The following CACNB2 variants were observed in gnomAD, a reference collection of about 807,000 sequenced individuals.
The protein encoded by CACNB2 is calcium voltage-gated channel auxiliary subunit beta 2.
CACNB2 carries 42 observed loss-of-function variants against 73.3 expected under a neutral mutation model. The observed-to-expected ratio is 0.57, with a 90% confidence interval of 0.45 to 0.74. The LOEUF is 0.74. Among genes scored for constraint, CACNB2 ranks in the 30% least tolerant of loss-of-function variants. The pLI, the probability that CACNB2 is intolerant of heterozygous loss-of-function variation, is 0.00. For synonymous variants in CACNB2, 348 were observed against 310.3 expected (o/e 1.12, Z -1.28); for missense variants, 940 against 853.0 (o/e 1.10, Z -1.27).
At chr10:18,512,974 G>T in intron 6 of CACNB2, 1 of 227,048 alleles carries the variant, frequency 4.4e-6, no homozygotes, top group Non-Finnish European at 8.9e-6. Context: ...GCCGGCTGCA[G>T]GTGTTGCAGT....
chr10:18,316,458 T>TTC (rs1564430227), intron 2 of CACNB2, among the ~76,000 whole-genome samples: 1 of 147,616 alleles, frequency 6.8e-6, no homozygotes, highest in African/African-American at 2.5e-5. Flanking sequence ...CTTTTTTTCT[T>TTC]CCCCCCTCTC....
intron 2 of CACNB2, among the ~76,000 whole-genome samples, chr10:18,292,059 C>T (rs1440970336): frequency 2.0e-5 from 3 of 152,128 alleles, no homozygotes; most frequent in Non-Finnish European, 2.9e-5. Context: ...ATTTAAAGTG[C>T]ATTCATACAA....
chr10:18,493,083 C>G (rs1289395646), intron 3 of CACNB2, among the ~76,000 whole-genome samples: 1 of 152,158 alleles, frequency 6.6e-6, no homozygotes, highest in Non-Finnish European at 1.5e-5. Flanking sequence ...TAACTATTTG[C>G]ATAGCGTTTA....
chr10:18,491,602 G>A (rs886221145), intron 3 of CACNB2, among the ~76,000 whole-genome samples: 3 of 151,972 alleles, frequency 2.0e-5, no homozygotes, highest in African/African-American at 7.2e-5. Flanking sequence ...AAACAATCTG[G>A]TAGGCTTCCA....
chr10:18,188,256 T>C (rs952076404), intron 2 of CACNB2, among the ~76,000 whole-genome samples: 7 of 143,064 alleles, frequency 4.9e-5, no homozygotes, highest in African/African-American at 1.8e-4. Context: ...ACCTGCCTTC[T>C]TTCCTTCTTG....
chr10:18,514,893 CTT>C (rs947917992), intron 7 of CACNB2: 7 of 878,076 alleles, frequency 8.0e-6, no homozygotes, highest in African/African-American at 5.0e-5. Context: ...TAAATTCTGA[CTT>C]ATGATATCCA....
chr10:18,332,627 G>A (rs1397298868), intron 2 of CACNB2, among the ~76,000 whole-genome samples: 1 of 152,184 alleles, frequency 6.6e-6, no homozygotes, highest in African/African-American at 2.4e-5. Flanking sequence ...GTCAGAGAAA[G>A]GCTGGGAGAA....
intron 2 of CACNB2, among the ~76,000 whole-genome samples, chr10:18,249,551 C>A (rs2037004778): frequency 6.6e-6 from 1 of 152,164 alleles, no homozygotes; most frequent in African/African-American, 2.4e-5. Flanking sequence ...GACTCTGTCC[C>A]CCCAATGACT....
At chr10:18,495,582 T>TGTGTGTGTGTGTGTGTGTG (rs879828645) in intron 3 of CACNB2, among the ~76,000 whole-genome samples, 1,481 of 135,426 alleles carry the variant, frequency 0.011, 33 homozygotes, top group African/African-American at 0.039. Context: ...TGTGTGTGTG[T>TGTGTGTGTGTGTGTGTGTG]GTGTGTGTGT....
At chr10:18,427,784 C>G (rs941935630) in intron 3 of CACNB2, among the ~76,000 whole-genome samples, 1 of 152,084 alleles carries the variant, frequency 6.6e-6, no homozygotes, top group Non-Finnish European at 1.5e-5. Flanking sequence ...CATTTTCTTA[C>G]TAATCTCTGC....
chr10:18,502,534 A>G (rs1386086485), intron 5 of CACNB2, among the ~76,000 whole-genome samples: 2 of 151,086 alleles, frequency 1.3e-5, no homozygotes, highest in Admixed American at 1.3e-4. Context: ...ACTAAAAAAA[A>G]AAAAAAATTA....
At chr10:18,332,701 T>G (rs17610275) in intron 2 of CACNB2, among the ~76,000 whole-genome samples, 6,971 of 152,218 alleles carry the variant, frequency 0.046, 235 homozygotes, top group Middle Eastern at 0.095. Flanking sequence ...AATAGCACTT[T>G]ATGTAACCTC....
At chr10:18,500,065 A>G (rs79052761) in intron 4 of CACNB2, among the ~76,000 whole-genome samples, 2,143 of 152,288 alleles carry the variant, frequency 0.014, 50 homozygotes, top group African/African-American at 0.048. Flanking sequence ...GAACAATAGA[A>G]AAAGTTATCA....
chr10:18,338,717 C>T (rs1383885001), intron 2 of CACNB2, among the ~76,000 whole-genome samples: 1 of 146,662 alleles, frequency 6.8e-6, no homozygotes, highest in Non-Finnish European at 1.5e-5. Context: ...TTCCTGCCTT[C>T]CTGCCTTCTT....
At chr10:18,442,227 G>A (rs1010674438) in intron 3 of CACNB2, among the ~76,000 whole-genome samples, 4 of 151,944 alleles carry the variant, frequency 2.6e-5, no homozygotes, top group Non-Finnish European at 5.9e-5. Context: ...TCTACTCACT[G>A]CAACCTCCGC....
chr10:18,492,147 AC>A (rs560461177), intron 3 of CACNB2, among the ~76,000 whole-genome samples: 63 of 152,202 alleles, frequency 4.1e-4, no homozygotes, highest in African/African-American at 1.4e-3. Context: ...TGTTTAGACA[AC>A]CAGATCTTAT....
rs2053807458 is a variant in CACNB2, at chr10:18,538,344, C to T, written c.1467C>T (p.Pro489=). 2 of 1,613,518 alleles carry T rather than the reference C, an allele frequency of 1.2e-6. No individual in the cohort carries two copies. The highest frequency in any genetic ancestry group is 1.7e-6 in the Non-Finnish European group (2 of 1,179,566). ...CCACTTCAAGTCTGCCTCTTAGCCC[C>T]ACCCTAGCCTCTAATTCACAGGTAA... The part of the protein sequence containing the change: ...TLATSSLPLS[P]TLASNSQGSQ... Residue 489 remains proline, a synonymous_variant, in exon 13 of 14, where the codon CCC becomes CCT. Coordinates refer to ENST00000324631, the MANE Select transcript of CACNB2 (RefSeq NM_201596.3).
At chr10:18,210,726 T>A (rs2035283871) in intron 2 of CACNB2, among the ~76,000 whole-genome samples, 1 of 152,176 alleles carries the variant, frequency 6.6e-6, no homozygotes, top group Non-Finnish European at 1.5e-5. Flanking sequence ...AGACCCCAAA[T>A]CTGTAAGTAA....
chr10:18,331,172 G>T, intron 2 of CACNB2, among the ~76,000 whole-genome samples: 1 of 151,942 alleles, frequency 6.6e-6, no homozygotes, highest in East Asian at 1.9e-4. Context: ...TTTTAGTAGA[G>T]ACGGGGTTTC....
Sources: gnomAD v4.1 joint callset for allele counts (sites outside exome capture counted in the v4.1 genomes callset) on GRCh38, gnomAD v4.1.1 for gene constraint, MANE v1.5 for transcripts, NCBI Gene and HGNC (gene_info 2026-07-23, HGNC 2026-07-21) for gene names.